The following SPATA17 variants were observed in gnomAD, a reference collection of about 807,000 sequenced individuals.
SPATA17 encodes spermatogenesis-associated protein 17.
A neutral mutation model predicts 62.2 loss-of-function variants in SPATA17; 53 were observed. That is an observed-to-expected ratio of 0.85 (90% CI 0.68 to 1.07). The LOEUF (loss-of-function observed/expected upper bound fraction) is 1.07, where lower values mean the gene tolerates loss of function less well. Among genes scored for constraint, SPATA17 ranks in the 50% least tolerant of loss-of-function variants. SPATA17 has a pLI of 0.00. For missense variants in SPATA17, 466 were observed against 425.5 expected (o/e 1.10, Z -0.84); for synonymous variants, 146 against 146.8 (o/e 0.99, Z 0.04).
chr1:217,680,676 G>A (rs183667307), intron 4 of SPATA17, among the ~76,000 whole-genome samples: 37 of 152,214 alleles, frequency 2.4e-4, no homozygotes, highest in Middle Eastern at 6.8e-3. Flanking sequence ...TGTAATCCCA[G>A]CACTTTGGGA....
chr1:217,680,520 A>T (rs1465298667), intron 4 of SPATA17, among the ~76,000 whole-genome samples: 1 of 151,760 alleles, frequency 6.6e-6, no homozygotes, highest in Non-Finnish European at 1.5e-5. Context: ...TAATTTTAGA[A>T]TTTTTTTTTA....
At chr1:217,638,271 A>G (rs1204480244) in intron 1 of SPATA17, among the ~76,000 whole-genome samples, 1 of 151,984 alleles carries the variant, frequency 6.6e-6, no homozygotes, top group Non-Finnish European at 1.5e-5. Context: ...TCAGTCAGAT[A>G]AAGTTCTGCA....
rs1670714324 is a variant in SPATA17 at position 217,667,106 on chromosome 1, G to A, written c.241-1927G>A. On this transcript the variant is annotated intron_variant, in intron 3 of 10. Coordinates refer to ENST00000366933, the MANE Select transcript of SPATA17 (RefSeq NM_138796.4). ...TCTGTCACCTGGGCTGGAATGCAGT[G>A]GCTTGATCTTGGCTCACTGCAACCT... 6.4e-5 allele frequency among the ~76,000 whole-genome samples: 9 copies of A among 141,042 alleles called. No homozygotes were observed. The South Asian group carries it at 2.0e-3, about 32-fold the overall frequency. The allele number at this position is 141,042 out of a possible 152,430, so 92.5% of individuals were successfully genotyped here. A position where few individuals can be genotyped will look rare whatever the true frequency, so the allele number is the denominator to read the frequency against.
At chr1:217,685,827 A>G (rs1185630239) in intron 5 of SPATA17, among the ~76,000 whole-genome samples, 1 of 152,166 alleles carries the variant, frequency 6.6e-6, no homozygotes, top group Non-Finnish European at 1.5e-5. Flanking sequence ...ACTTTCAGTT[A>G]TTCACAGTAC....
rs578154106 is a variant in SPATA17 at position 217,781,961 on chromosome 1, GT to G, written c.724-207del. ...GGGGAAACTTCTGTTTAATTTTAAAGTTTTTTAATGTAATCAATTTTACTTG... is the reference window on the plus strand; with the variant it reads ...GGGGAAACTTCTGTTTAATTTTAAAGTTTTTAATGTAATCAATTTTACTTG... On this transcript the variant is annotated intron_variant, in intron 7 of 10. Coordinates refer to ENST00000366933, the MANE Select transcript of SPATA17 (RefSeq NM_138796.4). 9.9e-5 allele frequency among the ~76,000 whole-genome samples: 15 copies of G among 152,194 alleles called. 1 individual carries two copies. The South Asian group carries it at 3.1e-3, about 32-fold the overall frequency.
intron 5 of SPATA17, among the ~76,000 whole-genome samples, chr1:217,714,615 C>G (rs1671958003): frequency 6.6e-6 from 1 of 151,266 alleles, no homozygotes; most frequent in Non-Finnish European, 1.5e-5. Context: ...CTCCGAGTAG[C>G]TGGGACTACA....
rs778503668 is a variant in SPATA17 at position 217,631,348 on chromosome 1, A to G, written c.-31A>G. On this transcript the variant is annotated 5_prime_UTR_variant, in exon 1 of 11. Coordinates refer to ENST00000366933, the MANE Select transcript of SPATA17 (RefSeq NM_138796.4). ...CCAGTTACCATGGAGACCGGTAGTA[A>G]CACCAGTTGTAAACCCAAGGCCAAG... 1 of 1,613,646 alleles carries G rather than the reference A, an allele frequency of 6.2e-7. No homozygotes were observed. The highest frequency in any genetic ancestry group is 8.5e-7 in the Non-Finnish European group (1 of 1,179,564).
chr1:217,751,878 G>T (rs562193752), intron 6 of SPATA17, among the ~76,000 whole-genome samples: 4 of 152,266 alleles, frequency 2.6e-5, no homozygotes, highest in Admixed American at 1.3e-4. Context: ...TAAGTGTGCA[G>T]CATTTTAGAA....
At chr1:217,806,465 G>T (rs1402060223) in intron 9 of SPATA17, among the ~76,000 whole-genome samples, 1 of 152,170 alleles carries the variant, frequency 6.6e-6, no homozygotes, top group Non-Finnish European at 1.5e-5. Flanking sequence ...TCCCCTTAGG[G>T]GTCATTCGTC....
At chr1:217,749,420 T>A (rs1672844610) in intron 6 of SPATA17, among the ~76,000 whole-genome samples, 1 of 152,344 alleles carries the variant, frequency 6.6e-6, no homozygotes, top group African/African-American at 2.4e-5. Flanking sequence ...AGCATTCACA[T>A]GTTCCTTGTG....
At chr1:217,795,269 T>A (rs1358750153) in intron 8 of SPATA17, among the ~76,000 whole-genome samples, 1 of 151,974 alleles carries the variant, frequency 6.6e-6, no homozygotes, top group Admixed American at 6.6e-5. Context: ...ATTTTGCAAG[T>A]GTATTCACTC....
rs1670067721 is a variant in SPATA17 at position 217,641,733 on chromosome 1, G to A, written c.69-7149G>A. On this transcript the variant is annotated intron_variant, in intron 1 of 10. Coordinates refer to ENST00000366933, the MANE Select transcript of SPATA17 (RefSeq NM_138796.4). Reference sequence around the variant, plus strand: ...ATCATATGAGAGTAAGTTGCAACCTGATGTCCCATTGTGCCCCAAATTCTT... The same window carrying A: ...ATCATATGAGAGTAAGTTGCAACCTAATGTCCCATTGTGCCCCAAATTCTT... 2.0e-5 allele frequency among the ~76,000 whole-genome samples: 3 copies of A among 152,056 alleles called. No homozygotes were observed. The South Asian group carries it at 6.2e-4, about 32-fold the overall frequency.
chr1:217,767,612 AGT>A (rs1186543811), intron 6 of SPATA17, among the ~76,000 whole-genome samples: 11 of 152,212 alleles, frequency 7.2e-5, no homozygotes, highest in African/African-American at 2.4e-4. Context: ...CGTATCCTCA[AGT>A]TCAGAGATTC....
intron 9 of SPATA17, among the ~76,000 whole-genome samples, chr1:217,825,183 T>A (rs2102998918): frequency 6.6e-6 from 1 of 151,716 alleles, no homozygotes; most frequent in South Asian, 2.1e-4. Flanking sequence ...AAGAAATCAT[T>A]TAAAAAATTC....
intron 1 of SPATA17, among the ~76,000 whole-genome samples, chr1:217,632,835 T>C (rs1415272655): frequency 6.6e-6 from 1 of 152,220 alleles, no homozygotes; most frequent in African/African-American, 2.4e-5. Flanking sequence ...TTATGACATA[T>C]ATAAATGAAA....
intron 9 of SPATA17, among the ~76,000 whole-genome samples, chr1:217,825,027 A>G (rs1238095912): frequency 7.2e-6 from 1 of 139,058 alleles, no homozygotes; most frequent in African/African-American, 2.7e-5. Flanking sequence ...TTGCATTCAT[A>G]TAAATTCAAT....
chr1:217,843,907 A>G (rs978427501), intron 9 of SPATA17, among the ~76,000 whole-genome samples: 1 of 152,162 alleles, frequency 6.6e-6, no homozygotes, highest in East Asian at 1.9e-4. Context: ...TACACTGTGT[A>G]TAGCACTGTG....
At chr1:217,650,260 A>G (rs1196564468) in intron 2 of SPATA17, among the ~76,000 whole-genome samples, 2 of 151,722 alleles carry the variant, frequency 1.3e-5, no homozygotes, top group East Asian at 2.0e-4. Context: ...TCTTTTGGCC[A>G]CTATATAAAC....
intron 6 of SPATA17, among the ~76,000 whole-genome samples, chr1:217,770,978 A>AATTTTTTTT (rs1553251071): frequency 0.058 from 2,913 of 50,184 alleles, 554 homozygotes; most frequent in Non-Finnish European, 0.07. Context: ...AACTCATTGC[A>AATTTTTTTT]TTTTTTTTTT....
Sources: allele counts gnomAD v4.1 joint callset (sites outside exome capture counted in the v4.1 genomes callset), GRCh38; gene constraint gnomAD v4.1.1; transcripts MANE v1.5; gene names NCBI Gene and HGNC (gene_info 2026-07-23, HGNC 2026-07-21).